The following DNAH7 variants were observed in gnomAD, a reference collection of about 807,000 sequenced individuals.
DNAH7 encodes the protein axonemal beta dynein heavy chain 7.
A neutral mutation model predicts 444.6 loss-of-function variants in DNAH7; 397 were observed. The ratio of observed to expected loss-of-function variants is 0.89; its 90% CI spans 0.82 to 0.97. DNAH7 has a LOEUF of 0.97. DNAH7 is among the 50% of genes least tolerant of loss of function. The pLI is 0.00. For synonymous variants in DNAH7, 1,636 were observed against 1,624.4 expected, an observed-to-expected ratio of 1.01 and a Z score of -0.17; for missense variants, 4,902 against 4,800.8, an observed-to-expected ratio of 1.02 and a Z score of -0.62.
intron 12 of DNAH7, among the ~76,000 whole-genome samples, chr2:195,993,081 T>TC (rs894234906): frequency 1.3e-5 from 2 of 152,184 alleles, no homozygotes; most frequent in Admixed American, 6.5e-5. Context: ...GCGTTAACAG[T>TC]CCTTTCCCAG....
intron 10 of DNAH7, among the ~76,000 whole-genome samples, chr2:196,003,394 T>C (rs1038225296): frequency 7.9e-5 from 12 of 152,194 alleles, no homozygotes; most frequent in Non-Finnish European, 1.8e-4. Flanking sequence ...AAATACGATG[T>C]ATTTTAAAAA....
chr2:195,758,489 G>C (rs1156858677), intron 61 of DNAH7, among the ~76,000 whole-genome samples: 1 of 152,174 alleles, frequency 6.6e-6, no homozygotes, highest in African/African-American at 2.4e-5. Context: ...GGCAGAGCAA[G>C]ATGGCCAATA....
intron 61 of DNAH7, among the ~76,000 whole-genome samples, chr2:195,764,422 C>T (rs1007952408): frequency 8.6e-5 from 13 of 151,970 alleles, no homozygotes; most frequent in Admixed American, 5.9e-4. Flanking sequence ...TAAAGCACAT[C>T]CAAATTAGAA....
intron 19 of DNAH7, among the ~76,000 whole-genome samples, chr2:195,946,211 T>G (rs1376612867): frequency 6.6e-6 from 1 of 151,902 alleles, no homozygotes; most frequent in Non-Finnish European, 1.5e-5. Context: ...GACCCCACTT[T>G]TGGGCTATGG....
At chr2:195,745,396 G>A (rs927595051) in intron 63 of DNAH7, among the ~76,000 whole-genome samples, 3 of 152,246 alleles carry the variant, frequency 2.0e-5, no homozygotes, top group African/African-American at 4.8e-5. Flanking sequence ...ACCTGAAAGT[G>A]ACGAGGAGAA....
chr2:195,741,433 G>A (rs1175590141), intron 63 of DNAH7, among the ~76,000 whole-genome samples: 2 of 152,188 alleles, frequency 1.3e-5, no homozygotes, highest in Non-Finnish European at 2.9e-5. Context: ...TACACTAACA[G>A]CTAAAGAGTA....
intron 38 of DNAH7, among the ~76,000 whole-genome samples, chr2:195,875,126 T>A (rs956919790): frequency 6.6e-6 from 1 of 152,226 alleles, no homozygotes; most frequent in Non-Finnish European, 1.5e-5. Context: ...AAATTTATCT[T>A]GGAAAATTTA....
rs369683603 is a variant in DNAH7, at chr2:195,771,630, G to A, written c.11433+30C>T. 8 of 1,485,192 alleles carry A rather than the reference G, an allele frequency of 5.4e-6. No individual in the cohort carries two copies. The African/African-American group carries it at 8.3e-5, about 15-fold the overall frequency. 92.0% of individuals were successfully genotyped at this position (1,485,192 alleles called of 1,614,324 possible). A position where few individuals can be genotyped will look rare whatever the true frequency, so the allele number is the denominator to read the frequency against. ...AAATGAATGCTATATATAATTTAAT[G>A]GGGGTTTTTTTTGGTGTTTTTCACC... is the stretch of plus-strand genomic sequence containing the variant. On this transcript the variant is annotated intron_variant, in intron 61 of 64. Coordinates refer to ENST00000312428, the MANE Select transcript of DNAH7 (RefSeq NM_018897.3).
intron 47 of DNAH7, among the ~76,000 whole-genome samples, chr2:195,843,059 A>T (rs1698783846): frequency 6.6e-6 from 1 of 152,232 alleles, no homozygotes; most frequent in Non-Finnish European, 1.5e-5. Flanking sequence ...AAAAGCAGCA[A>T]ATATTTGACT....
chr2:196,007,630 C>T (rs761471202), intron 10 of DNAH7, among the ~76,000 whole-genome samples: 2 of 152,168 alleles, frequency 1.3e-5, no homozygotes, highest in Non-Finnish European at 2.9e-5. Flanking sequence ...AATTGAATCA[C>T]AGGGGCAGTT....
Position 195,934,435 on chromosome 2 carries a change from G to T in DNAH7, c.3471+156C>A, listed in dbSNP as rs569968206. 5.1e-4 allele frequency among the ~76,000 whole-genome samples: 78 copies of T among 152,276 alleles called. 2 individuals are homozygous for T. Among genetic ancestry groups the T allele is most frequent in the Admixed American group, 8.5e-4 (13 of 15,288 alleles). On this transcript the variant is annotated intron_variant, in intron 21 of 64. Coordinates refer to ENST00000312428, the MANE Select transcript of DNAH7 (RefSeq NM_018897.3). ...GAGTCACTACAAAATTACTATCATA[G>T]AACATCTCTTTGCCTTCAAGTTATC... is the stretch of plus-strand genomic sequence containing the variant.
intron 10 of DNAH7, among the ~76,000 whole-genome samples, chr2:196,003,816 C>A (rs950003164): frequency 1.4e-4 from 21 of 152,082 alleles, no homozygotes; most frequent in African/African-American, 4.6e-4. Context: ...ATTAGTCAAA[C>A]AAAGATGACA....
intron 63 of DNAH7, among the ~76,000 whole-genome samples, chr2:195,751,406 C>T (rs1693789009): frequency 6.6e-6 from 1 of 152,126 alleles, no homozygotes; most frequent in Non-Finnish European, 1.5e-5. Flanking sequence ...GAAATTTCCC[C>T]CAGCAGCATT....
chr2:195,950,374 G>A (rs1406955242), intron 19 of DNAH7, among the ~76,000 whole-genome samples: 4 of 152,026 alleles, frequency 2.6e-5, no homozygotes, highest in Admixed American at 2.0e-4. Flanking sequence ...TTTCTTCTAG[G>A]TTTTGTAGTT....
intron 32 of DNAH7, 140 bp downstream of exon 32, chr2:195,888,659 C>T (rs1259407629): frequency 9.1e-6 from 9 of 988,536 alleles, no homozygotes; most frequent in African/African-American, 8.3e-5. Flanking sequence ...CAACAGATAA[C>T]GTCTGTACTT....
intron 24 of DNAH7, among the ~76,000 whole-genome samples, chr2:195,913,721 G>GT (rs1229390763): frequency 6.6e-6 from 1 of 151,926 alleles, no homozygotes; most frequent in Non-Finnish European, 1.5e-5. Flanking sequence ...TTGTTGTTTG[G>GT]TTTTTTGTTT....
rs201656672 is a variant in DNAH7, at chr2:195,857,523, G to A, written c.8268C>T (p.Asp2756=). Residue 2756 remains aspartate (D), a synonymous_variant, in exon 44 of 65, where the codon GAC becomes GAT. Coordinates refer to ENST00000312428, the MANE Select transcript of DNAH7 (RefSeq NM_018897.3). Reference sequence around the variant, plus strand: ...TATAAGCTGGAGGAATATTGTCCTTGTCATATTCATGAAGTGACTGCAGAA... The same window carrying A: ...TATAAGCTGGAGGAATATTGTCCTTATCATATTCATGAAGTGACTGCAGAA... The part of the protein sequence containing the change: ...MRFLQSLHEY[D]KDNIPPAYMN... The A allele has an allele frequency of 6.2e-7, 1 of 1,613,858 alleles. No homozygotes were observed. Among genetic ancestry groups the A allele is most frequent in the South Asian group, 1.1e-5 (1 of 91,052 alleles).
chr2:195,879,512 C>T (rs1316778722), intron 36 of DNAH7, among the ~76,000 whole-genome samples: 1 of 151,982 alleles, frequency 6.6e-6, no homozygotes, highest in African/African-American at 2.4e-5. Flanking sequence ...ATTATATAAA[C>T]AAAATTTATG....
At chr2:195,830,427 G>A (rs1428536346) in intron 48 of DNAH7, among the ~76,000 whole-genome samples, 2 of 152,138 alleles carry the variant, frequency 1.3e-5, no homozygotes, top group Non-Finnish European at 2.9e-5. Flanking sequence ...TCCCATGTGA[G>A]ACTTCAAATT....
Sources: gnomAD v4.1 joint callset for allele counts (sites outside exome capture counted in the v4.1 genomes callset) on GRCh38, gnomAD v4.1.1 for gene constraint, MANE v1.5 for transcripts, NCBI Gene and HGNC (gene_info 2026-07-23, HGNC 2026-07-21) for gene names.